GRIN2D: variants seen among roughly 807,000 people sequenced by gnomAD.
GRIN2D encodes glutamate ionotropic receptor NMDA type subunit 2D.
In GRIN2D, 37 loss-of-function variants were observed where a neutral mutation model predicts 103.2. The observed-to-expected ratio is 0.36, with a 90% CI of 0.28 to 0.47. The LOEUF (loss-of-function observed/expected upper bound fraction) is 0.47, where lower values mean the gene tolerates loss of function less well. Among genes scored for constraint, GRIN2D ranks in the 20% least tolerant of loss-of-function variants. The probability of loss-of-function intolerance (pLI) is 1.00; values close to 1 mark genes in which losing one functional copy is unlikely to be tolerated. For synonymous variants in GRIN2D, 845 were observed against 885.6 expected, an observed-to-expected ratio of 0.95 and a Z score of 0.81; for missense variants, 1,557 against 1,910.6, an observed-to-expected ratio of 0.81 and a Z score of 3.45.
chr19:48,433,288 C>T (rs908171075), intron 11 of GRIN2D, among the ~76,000 whole-genome samples: 6 of 151,822 alleles, frequency 4.0e-5, no homozygotes, highest in African/African-American at 1.2e-4. Context: ...TCGCTTGAAC[C>T]CGGGAGGTGG....
rs776934120 is a variant in GRIN2D at position 48,443,438 on chromosome 19, C to G, written c.3512C>G (p.Pro1171Arg). The part of the protein sequence containing the change: ...WRAGSWDYLP[P>R]RSGPAAWHCR... ...GCCGGGAGCTGGGACTACCTGCCCC[C>G]GCGCAGCGGTCCGGCCGCCTGGCAC... Residue 1171 changes from proline (P) to arginine (R), a missense_variant, in exon 14 of 14, where the codon CCG becomes CGG. Pro to Arg is a moderately radical substitution (Grantham distance 103). Around this residue, in one of 7 missense-constraint regions of GRIN2D, gnomAD observed 632 missense variants for 572.8 expected, o/e 1.10. Transcript: ENST00000263269. This position sits in a 1 kb window ranked among gnomAD's most constrained non-coding sequence, Gnocchi z 8.9. 2.4e-5 allele frequency: 33 copies of G among 1,387,358 alleles called. No homozygotes were observed. The East Asian group carries it at 8.3e-4, about 35-fold the overall frequency. The allele number at this position is 1,387,358 out of a possible 1,614,324, so 85.9% of individuals were successfully genotyped here.
intron 8 of GRIN2D, 30 bp downstream of exon 8, chr19:48,416,185 G>C: frequency 6.2e-7 from 1 of 1,605,594 alleles, no homozygotes; most frequent in Non-Finnish European, 8.5e-7. Flanking sequence ...CAGGGAGCTA[G>C]CCCTAGGCAA....
intron 11 of GRIN2D, among the ~76,000 whole-genome samples, chr19:48,425,043 T>TCA (rs1307173902): frequency 6.7e-6 from 1 of 149,458 alleles, no homozygotes; most frequent in Non-Finnish European, 1.5e-5. Context: ...TCTCTCTCTC[T>TCA]CACACAAAAC....
At position 48,442,545 on chromosome 19, in the gene GRIN2D, G is replaced by A; in HGVS notation, c.2674-55G>A. 2 of 1,474,778 alleles carry A rather than the reference G, an allele frequency of 1.4e-6. No individual in the cohort carries two copies. The highest frequency in any genetic ancestry group is 1.8e-6 in the Non-Finnish European group (2 of 1,117,552). 91.4% of individuals were successfully genotyped at this position (1,474,778 alleles called of 1,614,324 possible). A position where few individuals can be genotyped will look rare whatever the true frequency, so the allele number is the denominator to read the frequency against. ...GAGGAGAGAGGGACTGAGGGGAGGC[G>A]GGCAGGCGTCCTGGGCATCTCGCGC... On this transcript the variant is annotated intron_variant, in intron 13 of 13. Transcript: ENST00000263269. This position sits in a 1 kb window ranked among gnomAD's most constrained non-coding sequence, Gnocchi z 7.2.
chr19:48,400,757 C>T (rs185855139), intron 3 of GRIN2D, among the ~76,000 whole-genome samples: 1 of 152,292 alleles, frequency 6.6e-6, no homozygotes, highest in Admixed American at 6.5e-5. Context: ...AGAGGTTCTC[C>T]TTGCATTACA....
intron 4 of GRIN2D, among the ~76,000 whole-genome samples, chr19:48,412,933 C>G (rs1345915340): frequency 6.9e-6 from 1 of 144,342 alleles, no homozygotes; most frequent in Non-Finnish European, 1.5e-5. Context: ...GTCAGGAGTT[C>G]TAGACCAGTC....
In GRIN2D at chr19:48,421,250, GAAACCCCATCT is replaced by G. The variant is rs1971018409; in HGVS notation, c.2092-534_2092-524del. On this transcript the variant is annotated intron_variant, in intron 10 of 13. Transcript: ENST00000263269. The surrounding 1 kb of genome is among the most constrained non-coding windows in gnomAD (Gnocchi z 4.8). ...TCGAGACCAGCCTGACCAACATGGA[GAAACCCCATCT>G]CTACTAAAAATACAAAACTGGCTGG... Among the ~76,000 whole-genome samples, 1 of 152,024 alleles carries G rather than the reference GAAACCCCATCT, an allele frequency of 6.6e-6. No individual in the cohort carries two copies. Among genetic ancestry groups the G allele is most frequent in the Admixed American group, 6.6e-5 (1 of 15,248 alleles).
intron 8 of GRIN2D, among the ~76,000 whole-genome samples, chr19:48,416,721 G>A (rs2147453201): frequency 6.7e-6 from 1 of 148,654 alleles, no homozygotes; most frequent in Middle Eastern, 3.5e-3. Context: ...CAGAAGATAA[G>A]CTTCTACTTC....
rs1443047528 is a variant in GRIN2D at position 48,398,842 on chromosome 19, C to T, written c.450C>T (p.Leu150=). The T allele has an allele frequency of 1.5e-6, 2 of 1,338,278 alleles. No homozygotes were observed. The highest frequency in any genetic ancestry group is 3.2e-5 in the South Asian group (2 of 62,926). The allele number at this position is 1,338,278 out of a possible 1,614,324, so 82.9% of individuals were successfully genotyped here. A position where few individuals can be genotyped will look rare whatever the true frequency, so the allele number is the denominator to read the frequency against. ...TGGCCGTGCACGGCGGCGCCGCGCT[C>T]GTGCTCACGCCCAAGGTGCGCGCGA... The part of the protein sequence containing the change: ...PIVAVHGGAA[L]VLTPKEKGST... Residue 150 remains leucine (L), a synonymous_variant, in exon 3 of 14, where the codon CTC becomes CTT. Transcript: ENST00000263269.
intron 11 of GRIN2D, among the ~76,000 whole-genome samples, chr19:48,440,678 C>CCCCATTTCCCCTTCTAAG (rs71181698): frequency 0.86 from 130,169 of 151,656 alleles, 56,233 homozygotes; most frequent in Non-Finnish European, 0.91. Context: ...TTATTTTTTT[C>CCCCATTTCCCCTTCTAAG]CCTCAATCTT....
intron 11 of GRIN2D, among the ~76,000 whole-genome samples, chr19:48,440,715 C>T (rs1971281012): frequency 7.0e-6 from 1 of 143,542 alleles, no homozygotes; most frequent in South Asian, 2.2e-4. Context: ...GAGATGGCAT[C>T]TCTCTCTGTC....
chr19:48,424,358 C>T (rs1971062358), intron 11 of GRIN2D, among the ~76,000 whole-genome samples: 1 of 149,502 alleles, frequency 6.7e-6, no homozygotes, highest in Non-Finnish European at 1.5e-5. Flanking sequence ...GCAAGCGCCG[C>T]CTCCCGGGTT....
intron 11 of GRIN2D, among the ~76,000 whole-genome samples, chr19:48,431,671 A>G (rs1971157303): frequency 7.0e-6 from 1 of 143,482 alleles, no homozygotes; most frequent in Non-Finnish European, 1.5e-5. Context: ...TGCAACCTCC[A>G]CCTCCCAGGT....
At chr19:48,428,954 C>G (rs935674615) in intron 11 of GRIN2D, among the ~76,000 whole-genome samples, 2 of 152,090 alleles carry the variant, frequency 1.3e-5, no homozygotes, top group African/African-American at 4.8e-5. Flanking sequence ...AGTTCTACAG[C>G]CCAGGTTCTC....
At chr19:48,432,507 C>G (rs1357052329) in intron 11 of GRIN2D, among the ~76,000 whole-genome samples, 1 of 152,040 alleles carries the variant, frequency 6.6e-6, no homozygotes. Flanking sequence ...GAGACAGGGT[C>G]TCACTCTGTT....
chr19:48,407,715 C>T (rs1309027916), intron 4 of GRIN2D, among the ~76,000 whole-genome samples: 1 of 152,148 alleles, frequency 6.6e-6, no homozygotes, highest in Non-Finnish European at 1.5e-5. Context: ...TCTCTCAGAG[C>T]TTACAATCTG....
At chr19:48,396,471 G>A (rs950187294) in intron 2 of GRIN2D, among the ~76,000 whole-genome samples, 4 of 152,044 alleles carry the variant, frequency 2.6e-5, no homozygotes, top group African/African-American at 7.2e-5. Context: ...GGGCTGGAGG[G>A]TGAGCAGCCA....
At chr19:48,404,302 G>T (rs1314282830) in intron 3 of GRIN2D, among the ~76,000 whole-genome samples, 1 of 151,342 alleles carries the variant, frequency 6.6e-6, no homozygotes, top group Non-Finnish European at 1.5e-5. Context: ...CCTCCGTATG[G>T]TGACTCGGGG....
In GRIN2D at chr19:48,419,696, T is replaced by C; in HGVS notation, c.1973T>C (p.Met658Thr). 6.2e-7 allele frequency: 1 copy of C among 1,613,088 alleles called. No homozygotes were observed. The highest frequency in any genetic ancestry group is 8.5e-7 in the Non-Finnish European group (1 of 1,179,712). ...ENPRGTTSKI[M>T]VLVWAFFAVI... The stretch of plus-strand genomic sequence containing the variant: ...CCCCGGGGAACCACCAGCAAAATCA[T>C]GGTGCTGGTGTGGGCCTTCTTCGCC... Residue 658 changes from methionine to threonine, a missense_variant, in exon 10 of 14, where the codon ATG (methionine) becomes ACG (threonine). Around this residue, in one of 7 missense-constraint regions of GRIN2D, gnomAD observed 197 missense variants for 334.1 expected, o/e 0.59. Coordinates refer to ENST00000263269, the MANE Select transcript of GRIN2D (RefSeq NM_000836.4).
Sources: gnomAD v4.1 joint callset for allele counts (sites outside exome capture counted in the v4.1 genomes callset) on GRCh38, gnomAD v4.1.1 for gene constraint, gnomAD v4.1.1 regional missense constraint, Gnocchi (gnomAD v3.1) non-coding constraint, MANE v1.5 for transcripts, NCBI Gene and HGNC (gene_info 2026-07-23, HGNC 2026-07-21) for gene names.